The following TBL1X variants were observed in gnomAD, a reference collection of about 807,000 sequenced individuals.
TBL1X encodes F-box-like/WD repeat-containing protein TBL1X.
In TBL1X, 10 loss-of-function variants were observed where a neutral mutation model predicts 50.7. The ratio of observed to expected loss-of-function variants is 0.20; its 90% CI spans 0.12 to 0.33. TBL1X has a LOEUF of 0.33. Ranked by LOEUF, TBL1X falls within the 10% of genes least tolerant of loss-of-function variation. TBL1X has a pLI of 1.00. For missense variants in TBL1X, 340 were observed against 504.4 expected (o/e 0.67, Z 3.12); for synonymous variants, 190 against 214.7 (o/e 0.88, Z 1.01).
At chrX:9,669,431 C>A (rs905308929) in intron 5 of TBL1X, among the ~76,000 whole-genome samples, 1 of 111,750 alleles carries the variant, frequency 8.9e-6, no homozygotes, top group Admixed American at 9.6e-5. Flanking sequence ...CCATCCCAAT[C>A]TGTCTGTCTA....
At chrX:9,692,696 C>T (rs192511737) in intron 9 of TBL1X, among the ~76,000 whole-genome samples, 1 of 113,047 alleles carries the variant, frequency 8.8e-6, no homozygotes, top group Non-Finnish European at 1.9e-5. Flanking sequence ...GCGTGAGCCA[C>T]TGCCCCCGGC....
chrX:9,717,239 G>T lies in TBL1X; in HGVS notation c.*993G>T, dbSNP rs1271770233. On this transcript the variant is annotated 3_prime_UTR_variant, in exon 18 of 18. Coordinates refer to ENST00000645353, the MANE Select transcript of TBL1X (RefSeq NM_005647.4). Reference sequence around the variant, plus strand: ...AATGACTTATAAGAGAAAGAGCCTGGAGTATTTTTGGAAAAAAAAATAATA... The same window carrying T: ...AATGACTTATAAGAGAAAGAGCCTGTAGTATTTTTGGAAAAAAAAATAATA... 2.7e-5 allele frequency: 3 copies of T among 111,069 alleles called. No homozygotes were observed. The highest frequency in any genetic ancestry group is 5.7e-5 in the Non-Finnish European group (3 of 52,859). The allele number at this position is 111,069 out of a possible 1,213,427, so 9.2% of individuals were successfully genotyped here. A position where few individuals can be genotyped will look rare whatever the true frequency, so the allele number is the denominator to read the frequency against.
intron 2 of TBL1X, among the ~76,000 whole-genome samples, chrX:9,567,588 T>C (rs773740305): frequency 7.3e-4 from 82 of 112,093 alleles, no homozygotes; most frequent in African/African-American, 2.7e-3. Flanking sequence ...ATTTTGGTGC[T>C]GCACCAGGAG....
At chrX:9,628,509 T>C (rs1044834593) in intron 2 of TBL1X, among the ~76,000 whole-genome samples, 5 of 111,909 alleles carry the variant, frequency 4.5e-5, no homozygotes, top group Admixed American at 3.8e-4. Flanking sequence ...CAGCTTCACA[T>C]ATTGAAGACT....
chrX:9,695,497 G>A (rs750935817), intron 11 of TBL1X, among the ~76,000 whole-genome samples: 19 of 112,697 alleles, frequency 1.7e-4, no homozygotes, highest in African/African-American at 5.5e-4. Flanking sequence ...GCACTTTGCT[G>A]TGCATTCAGT....
chrX:9,611,946 T>C (rs888783187), intron 2 of TBL1X, among the ~76,000 whole-genome samples: 3 of 112,166 alleles, frequency 2.7e-5, no homozygotes, highest in Non-Finnish European at 5.6e-5. Context: ...GGCCCCAAAA[T>C]GGAGAGATAC....
intron 2 of TBL1X, chrX:9,639,779 TAG>T (rs1395719636): frequency 9.0e-6 from 1 of 111,676 alleles, no homozygotes; most frequent in African/African-American, 3.3e-5. Flanking sequence ...ATGTGCCTGG[TAG>T]AGTTATTGGA....
chrX:9,498,684 T>G (rs910618251), intron 1 of TBL1X, among the ~76,000 whole-genome samples: 9 of 112,522 alleles, frequency 8.0e-5, no homozygotes, highest in Admixed American at 5.6e-4. Flanking sequence ...GGCTACTCCT[T>G]GAGTTCACTG....
intron 2 of TBL1X, among the ~76,000 whole-genome samples, chrX:9,632,902 A>G (rs1261711540): frequency 8.9e-6 from 1 of 112,055 alleles, no homozygotes; most frequent in East Asian, 2.8e-4. Context: ...AAAAGCTATT[A>G]CCACAATCTG....
chrX:9,493,171 A>T (rs1333413784), intron 1 of TBL1X, among the ~76,000 whole-genome samples: 1 of 110,692 alleles, frequency 9.0e-6, no homozygotes, highest in Non-Finnish European at 1.9e-5. Flanking sequence ...ATGTTTTCCC[A>T]CTTGCTATGC....
At position 9,705,058 on chromosome X, in the gene TBL1X, A is replaced by G; in HGVS notation, c.1180A>G (p.Ile394Val). 2.5e-6 allele frequency: 3 copies of G among 1,212,180 alleles called. No homozygotes were observed. The highest frequency in any genetic ancestry group is 3.3e-6 in the Non-Finnish European group (3 of 895,646). ...TGCCTCCTGTAGCACAGACATGTGTATCCATGTGTGCAGGCTCGGCTGTGA... is the reference window on the plus strand; with the variant it reads ...TGCCTCCTGTAGCACAGACATGTGTGTCCATGTGTGCAGGCTCGGCTGTGA... ...TFASCSTDMC[I>V]HVCRLGCDRP... The change falls in exon 13 of 18, where the codon ATC (isoleucine) becomes GTC (valine). Residue 394 changes from isoleucine to valine, a missense_variant. Physicochemically the swap from Ile to Val is conservative, Grantham distance 29 (BLOSUM62 3). Around this residue, in one of 6 missense-constraint regions of TBL1X, gnomAD observed 170 missense variants for 272.6 expected, o/e 0.62. Coordinates refer to ENST00000645353, the MANE Select transcript of TBL1X (RefSeq NM_005647.4).
intron 2 of TBL1X, among the ~76,000 whole-genome samples, chrX:9,629,832 A>T (rs984834691): frequency 9.0e-6 from 1 of 110,961 alleles, no homozygotes; most frequent in African/African-American, 3.3e-5. Flanking sequence ...ATTACATGGG[A>T]AGTGAGTGTG....
chrX:9,591,559 AGG>A (rs2082499987), intron 2 of TBL1X, among the ~76,000 whole-genome samples: 1 of 112,348 alleles, frequency 8.9e-6, no homozygotes, highest in Non-Finnish European at 1.9e-5. Flanking sequence ...ATAACAGGTA[AGG>A]GGGTGGAGGT....
At chrX:9,529,261 G>A (rs2082148010) in intron 2 of TBL1X, among the ~76,000 whole-genome samples, 1 of 110,822 alleles carries the variant, frequency 9.0e-6, no homozygotes, top group African/African-American at 3.3e-5. Flanking sequence ...GCAGACTTGG[G>A]TGGGTTGCAG....
At chrX:9,564,731 C>CAAA (rs1325314175) in intron 2 of TBL1X, among the ~76,000 whole-genome samples, 10 of 76,814 alleles carry the variant, frequency 1.3e-4, no homozygotes, top group African/African-American at 4.3e-4. Context: ...GACTCTGTCT[C>CAAA]AAAAAAAAAA....
At chrX:9,708,088 T>C (rs1316970238) in intron 13 of TBL1X, among the ~76,000 whole-genome samples, 1 of 112,011 alleles carries the variant, frequency 8.9e-6, no homozygotes, top group Non-Finnish European at 1.9e-5. Context: ...TATGGGGCCC[T>C]ATAGTCACCC....
At chrX:9,491,307 TA>T (rs1305003126) in intron 1 of TBL1X, among the ~76,000 whole-genome samples, 60 of 24,763 alleles carry the variant, frequency 2.4e-3, no homozygotes, top group African/African-American at 6.4e-3. Flanking sequence ...CCAGTATATT[TA>T]TATATATATA....
chrX:9,705,221 A>T, intron 13 of TBL1X, 107 bp downstream of exon 13: 1 of 1,142,937 alleles, frequency 8.7e-7, no homozygotes, highest in Non-Finnish European at 1.2e-6. Context: ...GACCAGCTCT[A>T]ATGTGCCCCT....
At chrX:9,711,991 G>A (rs1189947927) in intron 16 of TBL1X, among the ~76,000 whole-genome samples, 2 of 112,236 alleles carry the variant, frequency 1.8e-5, no homozygotes, top group Non-Finnish European at 1.9e-5. Context: ...CTGAGGAAGG[G>A]CGTCGTGTCC....
Sources: gnomAD v4.1 joint callset for allele counts (sites outside exome capture counted in the v4.1 genomes callset) on GRCh38, gnomAD v4.1.1 for gene constraint, gnomAD v4.1.1 regional missense constraint, MANE v1.5 for transcripts, NCBI Gene and HGNC (gene_info 2026-07-23, HGNC 2026-07-21) for gene names.